The following EIF3G variants were observed in gnomAD, a reference collection of about 807,000 sequenced individuals.
The protein encoded by EIF3G is eukaryotic translation initiation factor 3 RNA-binding subunit.
EIF3G carries 10 observed loss-of-function variants against 41.7 expected under a neutral mutation model. That is an observed-to-expected ratio of 0.24 (90% CI 0.15 to 0.41). The LOEUF (loss-of-function observed/expected upper bound fraction) is 0.41. EIF3G is among the 10% of genes least tolerant of loss of function. The pLI is 1.00. For missense variants in EIF3G, 297 were observed against 444.0 expected (o/e 0.67, Z 2.98); for synonymous variants, 204 against 172.5 (o/e 1.18, Z -1.43).
rs113946816 is a variant in EIF3G, at chr19:10,119,837, C to A, written c.20+3G>T. 3.1e-6 allele frequency: 5 copies of A among 1,614,116 alleles called. No individual in the cohort carries two copies. On this transcript the variant is annotated splice_donor_region_variant and intron_variant, in intron 1 of 10. Coordinates refer to ENST00000253108, the MANE Select transcript of EIF3G (RefSeq NM_003755.5). ...GTGCCCCTTTCCGCGATCGCCGACT[C>A]ACTCAAAGTCTCCAGTAGGCATCGC...
At position 10,115,111 on chromosome 19, in the gene EIF3G, G is replaced by A. The variant is rs1321775390; in HGVS notation, c.*3C>T. On this transcript the variant is annotated 3_prime_UTR_variant, in exon 11 of 11. Transcript: ENST00000253108. ...CCGGACCGAGTACACAGTGGCAGCT[G>A]GCTTAGTTGGTGGACGGCCTGGGGT... 6.2e-7 allele frequency: 1 copy of A among 1,614,060 alleles called. No individual in the cohort carries two copies. The highest frequency in any genetic ancestry group is 1.1e-5 in the South Asian group (1 of 91,014).
At chr19:10,118,564 CAAAAAAAAA>C (rs61403454) in intron 5 of EIF3G, 95 bp downstream of exon 5, 120 of 916,046 alleles carry the variant, frequency 1.3e-4, no homozygotes, top group Non-Finnish European at 3.0e-5. Context: ...CACTCTGTCT[CAAAAAAAAA>C]AAAAAAAAAG....
chr19:10,116,930 C>T lies in EIF3G; in HGVS notation c.465G>A (p.Val155=). ...PMNKLKGQKI[V]SCRICKGDHW... is the part of the protein sequence containing the mutation. ...GGTCGCCCTTGCAGATGCGGCAGGACACGATCTTCTGGCCCTTGAGTTTGT... is the reference window on the plus strand; with the variant it reads ...GGTCGCCCTTGCAGATGCGGCAGGATACGATCTTCTGGCCCTTGAGTTTGT... Residue 155 remains valine (V), a synonymous_variant, in exon 7 of 11, where the codon GTG becomes GTA. Coordinates refer to ENST00000253108, the MANE Select transcript of EIF3G (RefSeq NM_003755.5). The surrounding 1 kb of genome is among the most constrained non-coding windows in gnomAD (Gnocchi z 4.1). The T allele has an allele frequency of 1.2e-6, 2 of 1,613,936 alleles. No homozygotes were observed. The highest frequency in any genetic ancestry group is 1.7e-6 in the Non-Finnish European group (2 of 1,179,922).
chr19:10,117,201 A>C lies in EIF3G; in HGVS notation c.301-13T>G. The C allele has an allele frequency of 6.3e-7, 1 of 1,576,114 alleles. No homozygotes were observed. Among genetic ancestry groups the C allele is most frequent in the Non-Finnish European group, 8.7e-7 (1 of 1,152,280 alleles). Reference sequence around the variant, plus strand: ...ACTTCTTCCAGTTCTGGGCTCAGGGAGGGATGGGGGACAGTTGAGGGCAGG... The same window carrying C: ...ACTTCTTCCAGTTCTGGGCTCAGGGCGGGATGGGGGACAGTTGAGGGCAGG... On this transcript the variant is annotated splice_polypyrimidine_tract_variant and intron_variant, in intron 5 of 10. Transcript: ENST00000253108.
In EIF3G at chr19:10,119,352, A is replaced by G. The variant is rs747090010; in HGVS notation, c.68-181T>C. 3 of 803,860 alleles carry G rather than the reference A, an allele frequency of 3.7e-6. No individual in the cohort carries two copies. In the South Asian group the frequency reaches 4.4e-5, roughly 12 times the overall value. 49.8% of individuals were successfully genotyped at this position (803,860 alleles called of 1,614,324 possible). A position where few individuals can be genotyped will look rare whatever the true frequency, so the allele number is the denominator to read the frequency against. On this transcript the variant is annotated intron_variant, in intron 2 of 10. Coordinates refer to ENST00000253108, the MANE Select transcript of EIF3G (RefSeq NM_003755.5). ...GGGGACTCGGAGTGGCAAGGATGGG[A>G]GATCCCTCGTAGGAAGGTGGGTGCC...
At chr19:10,117,286 T>C (rs1049554012) in intron 5 of EIF3G, 98 bp from the exon 6 acceptor site, 2 of 852,420 alleles carry the variant, frequency 2.3e-6, no homozygotes, top group Non-Finnish European at 3.7e-6. Flanking sequence ...CCAGAGTGTC[T>C]GGGCCTCAAA....
At chr19:10,119,240 G>A (rs1266310853) in intron 2 of EIF3G, 69 bp from the exon 3 acceptor site, 1 of 1,502,918 alleles carries the variant, frequency 6.7e-7, no homozygotes. Context: ...CGATGGAAGG[G>A]CTTTTGGGAT....
In EIF3G at chr19:10,115,859, ACTGCCCAGCCCTCGTGTG is replaced by A. The variant is rs374203842; in HGVS notation, c.704-57_704-40del. 11,444 of 1,606,596 alleles carry A rather than the reference ACTGCCCAGCCCTCGTGTG, an allele frequency of 7.1e-3. 169 individuals are homozygous for A. The highest frequency in any genetic ancestry group is 0.058 in the African/African-American group (4,336 of 74,970). On this transcript the variant is annotated intron_variant, in intron 8 of 10. Transcript: ENST00000253108. ...GGGAGGTGGCTGTGAGGGGGAGGAC[ACTGCCCAGCCCTCGTGTG>A]CTGCCCAGCCCTCGTGTGCACGCTT... is the stretch of plus-strand genomic sequence containing the variant.
At chr19:10,115,406 G>T in intron 10 of EIF3G, 73 bp downstream of exon 10, 1 of 1,485,246 alleles carries the variant, frequency 6.7e-7, no homozygotes. Context: ...CAGGGCTATT[G>T]GTTGGCCCAA....
At position 10,116,539 on chromosome 19, in the gene EIF3G, CA is replaced by C; in HGVS notation, c.595+260del. 1 of 520,840 alleles carries C rather than the reference CA, an allele frequency of 1.9e-6. No homozygotes were observed. Among genetic ancestry groups the C allele is most frequent in the Non-Finnish European group, 3.4e-6 (1 of 291,964 alleles). 32.3% of individuals were successfully genotyped at this position (520,840 alleles called of 1,614,324 possible). The stretch of plus-strand genomic sequence containing the variant: ...GTGCGCACACACGATGTGGGGTGGT[CA>C]GCACCCTGGGGCCGACAGACAGCAG... On this transcript the variant is annotated intron_variant, in intron 7 of 10. Transcript: ENST00000253108. The surrounding 1 kb of genome is among the most constrained non-coding windows in gnomAD (Gnocchi z 4.1).
At chr19:10,115,848 A>T in intron 8 of EIF3G, 28 bp from the exon 9 acceptor site, 3 of 1,606,812 alleles carry the variant, frequency 1.9e-6, no homozygotes, top group Non-Finnish European at 2.5e-6. Context: ...GGTGGCTGTG[A>T]GGGGGAGGAC....
Position 10,115,973 on chromosome 19 carries a change from G to A in EIF3G, c.697C>T (p.Arg233Cys), listed in dbSNP as rs758579235. ...GCGTCGGGGTGCCCCTCACCTCTGC[G>A]GTTGGGCTGCATGGACTCCCCGCGG... is the stretch of plus-strand genomic sequence containing the variant. Reference protein sequence around the residue: ...SRRGESMQPNRRADDNATIRV... With the variant: ...SRRGESMQPNCRADDNATIRV... Residue 233 changes from arginine (R) to cysteine (C), a missense_variant, in exon 8 of 11, where the codon CGC (arginine) becomes TGC (cysteine). Arg to Cys is a radical substitution (Grantham distance 180). Around this residue, in one of 4 missense-constraint regions of EIF3G, gnomAD observed 91 missense variants for 170.5 expected, o/e 0.53. Coordinates refer to ENST00000253108, the MANE Select transcript of EIF3G (RefSeq NM_003755.5). The A allele has an allele frequency of 5.6e-6, 9 of 1,613,228 alleles. No homozygotes were observed. Among genetic ancestry groups the A allele is most frequent in the African/African-American group, 1.3e-5 (1 of 74,912 alleles).
chr19:10,118,833 C>T (rs200314636), intron 4 of EIF3G, 35 bp downstream of exon 4: 2 of 1,609,310 alleles, frequency 1.2e-6, no homozygotes, highest in Admixed American at 1.7e-5. Flanking sequence ...CCCCCAAGCA[C>T]AAGGGTCCCC....
Position 10,116,386 on chromosome 19 carries a change from C to A in EIF3G, c.596-312G>T, listed in dbSNP as rs1399822215. 1.9e-6 allele frequency: 1 copy of A among 516,086 alleles called. No individual in the cohort carries two copies. The highest frequency in any genetic ancestry group is 3.5e-6 in the Non-Finnish European group (1 of 287,152). The allele number at this position is 516,086 out of a possible 1,614,324, so 32.0% of individuals were successfully genotyped here. ...GACATGGGACACACAACAGGAACAG[C>A]GCCCAGGTCCCCCTCGCGTGGCAGG... On this transcript the variant is annotated intron_variant, in intron 7 of 10. Coordinates refer to ENST00000253108, the MANE Select transcript of EIF3G (RefSeq NM_003755.5). This position sits in a 1 kb window ranked among gnomAD's most constrained non-coding sequence, Gnocchi z 4.1.
chr19:10,117,276 C>T (rs368227745), intron 5 of EIF3G, 88 bp from the exon 6 acceptor site: 34 of 941,552 alleles, frequency 3.6e-5, no homozygotes, highest in African/African-American at 3.0e-4. Flanking sequence ...ACAGCCACCC[C>T]CAGAGTGTCT....
chr19:10,117,758 A>G (rs557808862), intron 5 of EIF3G, among the ~76,000 whole-genome samples: 4 of 152,330 alleles, frequency 2.6e-5, no homozygotes, highest in South Asian at 4.1e-4. Context: ...GCCAAGAGGA[A>G]TAAGAATCTA....
chr19:10,117,796 C>T (rs1275323727), intron 5 of EIF3G, among the ~76,000 whole-genome samples: 1 of 152,234 alleles, frequency 6.6e-6, no homozygotes, highest in African/African-American at 2.4e-5. Flanking sequence ...TGGCTCCCTC[C>T]TGTAATCCCA....
In EIF3G at chr19:10,116,873, C is replaced by G. The variant is rs750780486; in HGVS notation, c.522G>C (p.Thr174=). 1 of 1,613,810 alleles carries G rather than the reference C, an allele frequency of 6.2e-7. No homozygotes were observed. The highest frequency in any genetic ancestry group is 1.3e-5 in the African/African-American group (1 of 75,044). The change falls in exon 7 of 11, where the codon ACG becomes ACC. Residue 174 remains threonine (T), a synonymous_variant. Transcript: ENST00000253108. This position sits in a 1 kb window ranked among gnomAD's most constrained non-coding sequence, Gnocchi z 4.1. ...CCAGCTCCTTCTGCATGGGCCCCAG[C>G]GTATCCTTGTAGGGGCAGCGGGTGG... ...HWTTRCPYKD[T]LGPMQKELAE...
rs746960798 is a variant in EIF3G, at chr19:10,116,100, C to G, written c.596-26G>C. On this transcript the variant is annotated intron_variant, in intron 7 of 10. Coordinates refer to ENST00000253108, the MANE Select transcript of EIF3G (RefSeq NM_003755.5). This position sits in a 1 kb window ranked among gnomAD's most constrained non-coding sequence, Gnocchi z 4.1. ...CTGGGGACCAAAAGACAGTCAAGTTCAACCTCACTGTGGCGCAGGCGTGGG... is the reference window on the plus strand; with the variant it reads ...CTGGGGACCAAAAGACAGTCAAGTTGAACCTCACTGTGGCGCAGGCGTGGG... 5.6e-6 allele frequency: 9 copies of G among 1,607,182 alleles called. No homozygotes were observed. The highest frequency in any genetic ancestry group is 7.7e-6 in the Non-Finnish European group (9 of 1,175,530).
Sources: allele counts gnomAD v4.1 joint callset (sites outside exome capture counted in the v4.1 genomes callset), GRCh38; gene constraint gnomAD v4.1.1; regional missense constraint gnomAD v4.1.1; non-coding constraint Gnocchi (gnomAD v3.1); transcripts MANE v1.5; gene names NCBI Gene and HGNC (gene_info 2026-07-23, HGNC 2026-07-21).